BMPR1B: variants seen among roughly 807,000 people sequenced by gnomAD.
BMPR1B encodes the protein bone morphogenetic protein receptor type 1B.
BMPR1B carries 12 observed loss-of-function variants against 59.1 expected under a neutral mutation model. The ratio of observed to expected loss-of-function variants is 0.20; its 90% CI spans 0.13 to 0.33. BMPR1B has a LOEUF of 0.33. Among genes scored for constraint, BMPR1B ranks in the 10% least tolerant of loss-of-function variants. BMPR1B has a pLI of 1.00. For synonymous variants in BMPR1B, 237 were observed against 207.3 expected, an observed-to-expected ratio of 1.14 and a Z score of -1.23; for missense variants, 550 against 610.9, an observed-to-expected ratio of 0.90 and a Z score of 1.05.
rs572509401 is a variant in BMPR1B at position 95,148,314 on chromosome 4, A to T, written c.1077-434A>T. Among the ~76,000 whole-genome samples, 93 of 152,250 alleles carry T rather than the reference A, an allele frequency of 6.1e-4. 1 individual carries two copies. Among genetic ancestry groups the T allele is most frequent in the African/African-American group, 1.9e-3 (81 of 41,564 alleles). On this transcript the variant is annotated intron_variant, in intron 10 of 12. Coordinates refer to ENST00000515059, the MANE Select transcript of BMPR1B (RefSeq NM_001203.3). ...GGAAGAGGGTTTTTTTAGATATTTA[A>T]TATATATTTAGCAGTTGTTTAGGGT... is the stretch of plus-strand genomic sequence containing the variant.
intron 1 of BMPR1B, among the ~76,000 whole-genome samples, chr4:94,869,626 G>T (rs1347046645): frequency 6.6e-6 from 1 of 152,042 alleles, no homozygotes; most frequent in Non-Finnish European, 1.5e-5. Context: ...TGTTAAATGG[G>T]TTCAAAAGGC....
chr4:94,858,132 A>G (rs543253979), intron 1 of BMPR1B, among the ~76,000 whole-genome samples: 7 of 149,928 alleles, frequency 4.7e-5, no homozygotes, highest in Non-Finnish European at 8.9e-5. Context: ...TTGTATTTTT[A>G]GTAGAGACAG....
chr4:94,956,170 A>G lies in BMPR1B; in HGVS notation c.-112-39870A>G, dbSNP rs924041655. Among the ~76,000 whole-genome samples the G allele has an allele frequency of 2.0e-5, 3 of 152,180 alleles. No individual in the cohort carries two copies. In the South Asian group the frequency reaches 6.2e-4, roughly 32 times the overall value. On this transcript the variant is annotated intron_variant, in intron 2 of 12. Transcript: ENST00000515059. ...CAAACATGCCTTGTAATTTCTTTCT[A>G]CGTATTTAAAGACTTATTTTTAGAA... is the stretch of plus-strand genomic sequence containing the variant.
At chr4:94,945,902 A>C (rs1359747995) in intron 2 of BMPR1B, among the ~76,000 whole-genome samples, 1 of 152,212 alleles carries the variant, frequency 6.6e-6, no homozygotes, top group Non-Finnish European at 1.5e-5. Context: ...TGATGTGCAG[A>C]ACAAACTATA....
chr4:95,130,688 T>G (rs1241332976), intron 9 of BMPR1B, among the ~76,000 whole-genome samples: 1 of 151,268 alleles, frequency 6.6e-6, no homozygotes, highest in Non-Finnish European at 1.5e-5. Context: ...AATCTTTCTC[T>G]ACTCCTACAG....
intron 1 of BMPR1B, among the ~76,000 whole-genome samples, chr4:94,833,988 G>T (rs12512684): frequency 1.3e-5 from 2 of 152,240 alleles, no homozygotes; most frequent in East Asian, 1.9e-4. Flanking sequence ...CTACCCATAC[G>T]TAGTGTGATG....
intron 2 of BMPR1B, among the ~76,000 whole-genome samples, chr4:94,925,670 C>T (rs1482972359): frequency 6.6e-5 from 10 of 152,110 alleles, no homozygotes; most frequent in African/African-American, 2.4e-4. Flanking sequence ...AAGAAAAGCA[C>T]TGAAGAGCTT....
intron 3 of BMPR1B, among the ~76,000 whole-genome samples, chr4:95,103,678 C>T (rs1452156121): frequency 6.6e-6 from 1 of 150,618 alleles, no homozygotes; most frequent in African/African-American, 2.4e-5. Flanking sequence ...AATAGTAAAG[C>T]CTAATGTTGA....
At chr4:94,888,105 A>G (rs753115358) in intron 2 of BMPR1B, among the ~76,000 whole-genome samples, 4 of 152,094 alleles carry the variant, frequency 2.6e-5, no homozygotes, top group Non-Finnish European at 4.4e-5. Context: ...TTTTTATTTT[A>G]CTCAGTGAAA....
chr4:95,032,760 T>A (rs757139358), intron 3 of BMPR1B, among the ~76,000 whole-genome samples: 2 of 152,190 alleles, frequency 1.3e-5, no homozygotes, highest in Non-Finnish European at 2.9e-5. Flanking sequence ...TTCATTTATC[T>A]TTTCATCCAT....
At chr4:95,098,652 G>C (rs936921176) in intron 3 of BMPR1B, among the ~76,000 whole-genome samples, 2 of 151,814 alleles carry the variant, frequency 1.3e-5, no homozygotes, top group African/African-American at 4.8e-5. Context: ...AGTCTCCCCA[G>C]GTTCATTCTG....
At chr4:94,997,484 T>C (rs1375156115) in intron 3 of BMPR1B, among the ~76,000 whole-genome samples, 1 of 152,234 alleles carries the variant, frequency 6.6e-6, no homozygotes, top group African/African-American at 2.4e-5. Context: ...TTTTGTTGAA[T>C]GCGTATATAA....
At chr4:95,071,652 G>GTGTATATATATATATATATATATA (rs59539011) in intron 3 of BMPR1B, among the ~76,000 whole-genome samples, 1 of 84,342 alleles carries the variant, frequency 1.2e-5, no homozygotes, top group Non-Finnish European at 2.5e-5. Flanking sequence ...GTGTGTGTGT[G>GTGTATATATATATATATATATATA]TATATATATA....
intron 2 of BMPR1B, among the ~76,000 whole-genome samples, chr4:94,897,153 C>T (rs1727618508): frequency 1.3e-5 from 2 of 151,974 alleles, no homozygotes; most frequent in Non-Finnish European, 2.9e-5. Context: ...AGGTCTGGCC[C>T]TGCTGCTGCA....
intron 3 of BMPR1B, among the ~76,000 whole-genome samples, chr4:95,013,393 G>A (rs1324626247): frequency 6.6e-6 from 1 of 152,034 alleles, no homozygotes; most frequent in Non-Finnish European, 1.5e-5. Flanking sequence ...TGACTTACAG[G>A]TACAGGTCAG....
chr4:95,106,824 C>T (rs901288191), intron 4 of BMPR1B, among the ~76,000 whole-genome samples: 1 of 151,804 alleles, frequency 6.6e-6, no homozygotes, highest in African/African-American at 2.4e-5. Flanking sequence ...ATTTTTCATT[C>T]AGGGGTTTGT....
intron 3 of BMPR1B, among the ~76,000 whole-genome samples, chr4:95,054,347 T>C (rs1229821802): frequency 6.6e-6 from 1 of 152,146 alleles, no homozygotes; most frequent in African/African-American, 2.4e-5. Context: ...AGCTATTACC[T>C]TAAATGTTTT....
At chr4:95,103,076 T>C (rs1282547454) in intron 3 of BMPR1B, among the ~76,000 whole-genome samples, 1 of 152,154 alleles carries the variant, frequency 6.6e-6, no homozygotes, top group Non-Finnish European at 1.5e-5. Context: ...GCACATCTTT[T>C]ATAAATTTGA....
chr4:95,135,268 T>C lies in BMPR1B; in HGVS notation c.1076+3756T>C, dbSNP rs554252604. The stretch of plus-strand genomic sequence containing the variant: ...CATGCTGTTTTGGTTACTGTAGCCT[T>C]GTAGTATAGTTTGAAGTCAGGTAGT... On this transcript the variant is annotated intron_variant, in intron 10 of 12. Transcript: ENST00000515059. Among the ~76,000 whole-genome samples the C allele has an allele frequency of 2.0e-5, 3 of 152,336 alleles. No individual in the cohort carries two copies. In the South Asian group the frequency reaches 6.2e-4, roughly 32 times the overall value.
Sources: allele counts gnomAD v4.1 joint callset (sites outside exome capture counted in the v4.1 genomes callset), GRCh38; gene constraint gnomAD v4.1.1; transcripts MANE v1.5; gene names NCBI Gene and HGNC (gene_info 2026-07-23, HGNC 2026-07-21).